POLR2D: variants seen among roughly 807,000 people sequenced by gnomAD.
The protein encoded by POLR2D is DNA-directed RNA polymerase II subunit RPB4.
A neutral mutation model predicts 17.6 loss-of-function variants in POLR2D; 10 were observed. That is an observed-to-expected ratio of 0.57 (90% CI 0.35 to 0.96). The LOEUF is 0.96. Ranked by LOEUF, POLR2D falls within the 40% of genes least tolerant of loss-of-function variation. The pLI, the probability that POLR2D is intolerant of heterozygous loss-of-function variation, is 0.02. For missense variants in POLR2D, 126 were observed against 176.4 expected, an observed-to-expected ratio of 0.71 and a Z score of 1.62; for synonymous variants, 52 against 60.2, an observed-to-expected ratio of 0.86 and a Z score of 0.63.
In POLR2D at chr2:127,843,770, A is replaced by C. The variant is rs532188353; in HGVS notation, c.*4337T>G. 1 of 153,620 alleles carries C rather than the reference A, an allele frequency of 6.5e-6. No individual in the cohort carries two copies. Among genetic ancestry groups the C allele is most frequent in the Non-Finnish European group, 1.5e-5 (1 of 68,046 alleles). The allele number at this position is 153,620 out of a possible 1,614,324, so 9.5% of individuals were successfully genotyped here. A position where few individuals can be genotyped will look rare whatever the true frequency, so the allele number is the denominator to read the frequency against. On this transcript the variant is annotated 3_prime_UTR_variant, in exon 4 of 4. Transcript: ENST00000272645. ...AGGTGGGGTCTTTGGCAGGTGATTA[A>C]GTCATGAGAGAATATCCCTCATGAA...
intron 2 of POLR2D, among the ~76,000 whole-genome samples, chr2:127,851,396 GTGA>G (rs1265480144): frequency 6.6e-6 from 1 of 152,054 alleles, no homozygotes; most frequent in Non-Finnish European, 1.5e-5. Context: ...TCCAATCTGG[GTGA>G]TGAAGTGAGA....
rs1690118419 is a variant in POLR2D, at chr2:127,844,488, T to C, written c.*3619A>G. 6.6e-6 allele frequency: 1 copy of C among 152,174 alleles called. No individual in the cohort carries two copies. Among genetic ancestry groups the C allele is most frequent in the Non-Finnish European group, 1.5e-5 (1 of 68,022 alleles). The allele number at this position is 152,174 out of a possible 1,614,324, so 9.4% of individuals were successfully genotyped here. On this transcript the variant is annotated 3_prime_UTR_variant, in exon 4 of 4. Coordinates refer to ENST00000272645, the MANE Select transcript of POLR2D (RefSeq NM_004805.4). ...TTACACAGTACAATGAGCCTAACAA[T>C]GTTTCACAAATTGTGCAAGGTCTCC...
intron 3 of POLR2D, among the ~76,000 whole-genome samples, chr2:127,848,407 GT>G (rs756504639): frequency 1.4e-4 from 20 of 146,972 alleles, no homozygotes; most frequent in South Asian, 4.4e-4. Context: ...TGACTTAGAG[GT>G]TTTTTTTTTT....
In POLR2D at chr2:127,844,401, A is replaced by C. The variant is rs975831324; in HGVS notation, c.*3706T>G. On this transcript the variant is annotated 3_prime_UTR_variant, in exon 4 of 4. Coordinates refer to ENST00000272645, the MANE Select transcript of POLR2D (RefSeq NM_004805.4). ...TCTGGTTAATTTAGCTTTCTGGTGA[A>C]GTGAGGGTTTGACAACCTATCTTTT... The C allele has an allele frequency of 6.6e-6, 1 of 152,250 alleles. No homozygotes were observed. The highest frequency in any genetic ancestry group is 1.9e-4 in the East Asian group (1 of 5,202). The allele number at this position is 152,250 out of a possible 1,614,324, so 9.4% of individuals were successfully genotyped here.
chr2:127,855,450 TTAC>T (rs1690312463), intron 1 of POLR2D, among the ~76,000 whole-genome samples: 1 of 146,576 alleles, frequency 6.8e-6, no homozygotes. Flanking sequence ...CTAAACCAAA[TTAC>T]TTGTTAAATG....
intron 1 of POLR2D, among the ~76,000 whole-genome samples, chr2:127,853,551 GTTCTT>G (rs1233593412): frequency 6.6e-6 from 1 of 151,072 alleles, no homozygotes; most frequent in Non-Finnish European, 1.5e-5. Flanking sequence ...ATATGATTTC[GTTCTT>G]TTATTTTTTT....
At chr2:127,850,785 G>T in intron 2 of POLR2D, 100 bp from the exon 3 acceptor site, 1 of 641,316 alleles carries the variant, frequency 1.6e-6, no homozygotes, top group Non-Finnish European at 2.8e-6. Flanking sequence ...AACGTAGCTA[G>T]TATTTAAAAA....
At position 127,847,636 on chromosome 2, in the gene POLR2D, A is replaced by T; in HGVS notation, c.*471T>A. On this transcript the variant is annotated 3_prime_UTR_variant, in exon 4 of 4. Coordinates refer to ENST00000272645, the MANE Select transcript of POLR2D (RefSeq NM_004805.4). ...GAGTTAAGACCCTATCTCCATTTAA[A>T]AAAAAAAAAAAAAAGCATTTCAAAC... The T allele has an allele frequency of 6.2e-6, 1 of 162,038 alleles. No homozygotes were observed. The highest frequency in any genetic ancestry group is 6.1e-5 in the Admixed American group (1 of 16,306). The allele number at this position is 162,038 out of a possible 1,614,324, so 10.0% of individuals were successfully genotyped here. A position where few individuals can be genotyped will look rare whatever the true frequency, so the allele number is the denominator to read the frequency against.
intron 1 of POLR2D, among the ~76,000 whole-genome samples, chr2:127,857,575 ATCC>A (rs747711133): frequency 6.6e-6 from 1 of 150,828 alleles, no homozygotes; most frequent in Non-Finnish European, 1.5e-5. Flanking sequence ...ACACGGACCA[ATCC>A]TCCTCTTCCC....
In POLR2D at chr2:127,850,662, T is replaced by C. The variant is rs752956653; in HGVS notation, c.278A>G (p.His93Arg). ...VRSLLLQKKLHKFELACLANL... is the reference protein window; with the variant it reads ...VRSLLLQKKLRKFELACLANL... ...GGCCAAACAGGCCAACTCAAACTTA[T>C]GAAGCTTTTTCTGGAGTAGCAAGCT... The change falls in exon 3 of 4, where the codon CAT (histidine) becomes CGT (arginine). Residue 93 changes from histidine to arginine, a missense_variant. Physicochemically the swap from His to Arg is conservative, Grantham distance 29. This residue lies in a region of POLR2D where 85 missense variants were observed against 151.4 expected (regional missense o/e 0.56). Transcript: ENST00000272645. 1.3e-6 allele frequency: 2 copies of C among 1,573,030 alleles called. No homozygotes were observed. Among genetic ancestry groups the C allele is most frequent in the Non-Finnish European group, 1.7e-6 (2 of 1,156,502 alleles).
At chr2:127,857,877 C>A in intron 1 of POLR2D, 151 bp downstream of exon 1, 1 of 1,356,252 alleles carries the variant, frequency 7.4e-7, no homozygotes, top group Non-Finnish European at 9.5e-7. Flanking sequence ...CATGGTCCCT[C>A]CCAAGGCCAT....
intron 1 of POLR2D, among the ~76,000 whole-genome samples, chr2:127,854,762 G>A (rs1408896690): frequency 6.6e-6 from 1 of 152,104 alleles, no homozygotes; most frequent in Non-Finnish European, 1.5e-5. Flanking sequence ...GGGCAGGAGA[G>A]TTTAAACGAA....
At chr2:127,857,860 C>T (rs1460433961) in intron 1 of POLR2D, 168 bp downstream of exon 1, 1 of 1,334,554 alleles carries the variant, frequency 7.5e-7, no homozygotes, top group Non-Finnish European at 9.6e-7. Flanking sequence ...GCGGTCCCTC[C>T]CAAGGCCATG....
intron 1 of POLR2D, among the ~76,000 whole-genome samples, chr2:127,853,554 C>CT (rs1690283091): frequency 6.6e-6 from 1 of 150,620 alleles, no homozygotes; most frequent in African/African-American, 2.4e-5. Flanking sequence ...TGATTTCGTT[C>CT]TTTTATTTTT....
intron 1 of POLR2D, among the ~76,000 whole-genome samples, chr2:127,854,067 T>A (rs1189702184): frequency 3.3e-5 from 5 of 152,184 alleles, no homozygotes; most frequent in Non-Finnish European, 7.3e-5. Flanking sequence ...TTAAGAATTG[T>A]TACATGTTAA....
intron 2 of POLR2D, among the ~76,000 whole-genome samples, chr2:127,851,269 A>C (rs1253191109): frequency 8.5e-5 from 13 of 152,234 alleles, no homozygotes; most frequent in African/African-American, 2.9e-4. Flanking sequence ...AACTAAAAAA[A>C]TTAGCCGGGT....
At chr2:127,851,301 C>T (rs1285347498) in intron 2 of POLR2D, among the ~76,000 whole-genome samples, 1 of 152,136 alleles carries the variant, frequency 6.6e-6, no homozygotes, top group South Asian at 2.1e-4. Flanking sequence ...TGTCTGTAGT[C>T]CCAGCTATTT....
intron 3 of POLR2D, 47 bp downstream of exon 3, chr2:127,850,543 T>C (rs1363750207): frequency 1.3e-6 from 1 of 796,410 alleles, no homozygotes; most frequent in South Asian, 1.6e-5. Flanking sequence ...ATTCTATTTG[T>C]AGGAATTTAT....
At chr2:127,850,797 A>C in intron 2 of POLR2D, 112 bp from the exon 3 acceptor site, 2 of 617,282 alleles carry the variant, frequency 3.2e-6, no homozygotes, top group Non-Finnish European at 5.8e-6. Flanking sequence ...ATTTAAAAAT[A>C]GCTAGACGGC....
Sources: allele counts gnomAD v4.1 joint callset (sites outside exome capture counted in the v4.1 genomes callset), GRCh38; gene constraint gnomAD v4.1.1; regional missense constraint gnomAD v4.1.1; transcripts MANE v1.5; gene names NCBI Gene and HGNC (gene_info 2026-07-23, HGNC 2026-07-21).